Variants in EXOC6B observed in about 807,000 individuals in gnomAD.
The protein encoded by EXOC6B is SEC15 homolog B.
In EXOC6B, 54 loss-of-function variants were observed where a neutral mutation model predicts 113.5. The observed-to-expected ratio is 0.48, with a 90% confidence interval of 0.38 to 0.60. EXOC6B has a LOEUF of 0.60. Ranked by LOEUF, EXOC6B falls within the 20% of genes least tolerant of loss-of-function variation. EXOC6B has a pLI of 0.00. For synonymous variants in EXOC6B, 357 were observed against 339.0 expected, an observed-to-expected ratio of 1.05 and a Z score of -0.58; for missense variants, 797 against 977.5, an observed-to-expected ratio of 0.82 and a Z score of 2.46.
rs1422017618 is a variant in EXOC6B, at chr2:72,702,069, C to G, written c.669+16034G>C. Among the ~76,000 whole-genome samples the G allele has an allele frequency of 2.7e-5, 4 of 150,832 alleles. No homozygotes were observed. In the East Asian group the frequency reaches 5.8e-4, roughly 22 times the overall value. On this transcript the variant is annotated intron_variant, in intron 6 of 21. Transcript: ENST00000272427. ...TATATCTCCCGATGCTAACCCTCCCCCCTCCCACCACCCCACAACAGTCCC... is the reference window on the plus strand; with the variant it reads ...TATATCTCCCGATGCTAACCCTCCCGCCTCCCACCACCCCACAACAGTCCC...
At chr2:72,264,297 G>A (rs576269991) in intron 20 of EXOC6B, among the ~76,000 whole-genome samples, 3 of 152,226 alleles carry the variant, frequency 2.0e-5, no homozygotes, top group African/African-American at 4.8e-5. Context: ...GAGGCCAGGC[G>A]CAGTGGCTCA....
At chr2:72,253,489 A>G (rs1188963454) in intron 20 of EXOC6B, among the ~76,000 whole-genome samples, 1 of 152,240 alleles carries the variant, frequency 6.6e-6, no homozygotes, top group South Asian at 2.1e-4. Flanking sequence ...TGTGGTACAT[A>G]TATGTCATAG....
chr2:72,503,117 C>T (rs1558739039), intron 11 of EXOC6B, among the ~76,000 whole-genome samples: 1 of 152,096 alleles, frequency 6.6e-6, no homozygotes, highest in East Asian at 1.9e-4. Context: ...TTGTTCTTGG[C>T]TTTGGTACTA....
Position 72,521,682 on chromosome 2 carries a change from A to C in EXOC6B, c.916-6556T>G, listed in dbSNP as rs1299217243. Among the ~76,000 whole-genome samples, 15 of 152,252 alleles carry C rather than the reference A, an allele frequency of 9.9e-5. No individual in the cohort carries two copies. The East Asian group carries it at 2.9e-3, about 29-fold the overall frequency. On this transcript the variant is annotated intron_variant, in intron 8 of 21. Transcript: ENST00000272427. Reference sequence around the variant, plus strand: ...TAAGAGTTAAGAAAGACAGACATAGAAGGCAAGCAAGGCTTTGTTTAACTT... The same window carrying C: ...TAAGAGTTAAGAAAGACAGACATAGCAGGCAAGCAAGGCTTTGTTTAACTT...
At chr2:72,654,727 G>C (rs576240902) in intron 6 of EXOC6B, among the ~76,000 whole-genome samples, 2 of 152,222 alleles carry the variant, frequency 1.3e-5, no homozygotes, top group African/African-American at 2.4e-5. Flanking sequence ...GTGCCCAACA[G>C]CTATTATCAC....
In EXOC6B at chr2:72,559,525, C is replaced by T. The variant is rs762938963; in HGVS notation, c.847-4G>A. On this transcript the variant is annotated splice_region_variant and splice_polypyrimidine_tract_variant and intron_variant, in intron 7 of 21. Transcript: ENST00000272427. ...CCAAATCTTGGGCCCCAGGTACCTG[C>T]AAACACAAGATTATAACAAAAAAAT... The T allele has an allele frequency of 1.2e-6, 2 of 1,610,756 alleles. No homozygotes were observed. The highest frequency in any genetic ancestry group is 1.7e-6 in the Non-Finnish European group (2 of 1,178,178).
intron 16 of EXOC6B, among the ~76,000 whole-genome samples, chr2:72,481,163 C>T (rs1214953376): frequency 6.6e-6 from 1 of 152,168 alleles, no homozygotes; most frequent in Non-Finnish European, 1.5e-5. Context: ...TTTGCTTCCC[C>T]TTTGCCTTCC....
chr2:72,521,436 C>T (rs967079460), intron 8 of EXOC6B, among the ~76,000 whole-genome samples: 18 of 152,124 alleles, frequency 1.2e-4, no homozygotes, highest in Admixed American at 1.2e-3. Flanking sequence ...ATCCTATTTT[C>T]AAGCTAGAAG....
intron 18 of EXOC6B, among the ~76,000 whole-genome samples, chr2:72,406,617 G>A (rs911266479): frequency 4.6e-5 from 7 of 152,094 alleles, no homozygotes; most frequent in African/African-American, 1.2e-4. Context: ...GGTACATAAC[G>A]AAATGAAGGC....
At chr2:72,669,766 T>C (rs1675663022) in intron 6 of EXOC6B, among the ~76,000 whole-genome samples, 2 of 152,206 alleles carry the variant, frequency 1.3e-5, no homozygotes, top group Non-Finnish European at 2.9e-5. Context: ...CCAGGCACTA[T>C]TGGCAGCAGG....
intron 18 of EXOC6B, among the ~76,000 whole-genome samples, chr2:72,388,037 T>C (rs1302371546): frequency 6.6e-6 from 1 of 152,134 alleles, no homozygotes; most frequent in Non-Finnish European, 1.5e-5. Context: ...TCTGAAGACA[T>C]GTTTGGTTGT....
At chr2:72,783,338 T>A (rs1163470808) in intron 1 of EXOC6B, among the ~76,000 whole-genome samples, 1 of 142,348 alleles carries the variant, frequency 7.0e-6, no homozygotes, top group African/African-American at 2.6e-5. Flanking sequence ...TTTTTTTTTT[T>A]TTTTGAGATG....
chr2:72,330,669 C>T (rs891175167), intron 20 of EXOC6B, among the ~76,000 whole-genome samples: 1 of 152,022 alleles, frequency 6.6e-6, no homozygotes, highest in African/African-American at 2.4e-5. Flanking sequence ...CAAACTTGCT[C>T]TTCATTTGCA....
At chr2:72,662,470 C>A (rs187186063) in intron 6 of EXOC6B, among the ~76,000 whole-genome samples, 1 of 152,258 alleles carries the variant, frequency 6.6e-6, no homozygotes, top group East Asian at 1.9e-4. Flanking sequence ...AAGTAAGAAA[C>A]AAACAATCCA....
chr2:72,443,277 C>T (rs1163961853), intron 18 of EXOC6B, among the ~76,000 whole-genome samples: 2 of 148,888 alleles, frequency 1.3e-5, no homozygotes, highest in African/African-American at 5.0e-5. Flanking sequence ...GAGCCAAGAT[C>T]GCGCCACTGC....
intron 6 of EXOC6B, among the ~76,000 whole-genome samples, chr2:72,695,229 A>G (rs1452003617): frequency 2.0e-5 from 3 of 152,222 alleles, no homozygotes; most frequent in Non-Finnish European, 2.9e-5. Context: ...CTGAGAGTAC[A>G]CTAGAATTTT....
intron 20 of EXOC6B, among the ~76,000 whole-genome samples, chr2:72,259,451 C>CT (rs1485046338): frequency 1.3e-5 from 2 of 152,146 alleles, no homozygotes; most frequent in Admixed American, 6.6e-5. Flanking sequence ...CTCTTGGGAT[C>CT]TTTCATCTTC....
In EXOC6B at chr2:72,575,553, C is replaced by A; in HGVS notation, c.785G>T (p.Ser262Ile). 3.1e-6 allele frequency: 5 copies of A among 1,611,756 alleles called. No individual in the cohort carries two copies. Among genetic ancestry groups the A allele is most frequent in the Non-Finnish European group, 3.4e-6 (4 of 1,179,110 alleles). ...IIFDTEIESTSPKSEQDSGIL... is the reference protein window; with the variant it reads ...IIFDTEIESTIPKSEQDSGIL... ...TCCTGAATCCTGTTCAGACTTCGGA[C>A]TAGTACTTTCTATCTCTGTATCAAA... Residue 262 changes from serine to isoleucine, a missense_variant, in exon 7 of 22, where the codon AGT (serine) becomes ATT (isoleucine). Transcript: ENST00000272427.
chr2:72,567,581 C>T (rs947937420), intron 7 of EXOC6B, among the ~76,000 whole-genome samples: 1 of 151,864 alleles, frequency 6.6e-6, no homozygotes, highest in Admixed American at 6.6e-5. Context: ...ATACCTAATG[C>T]CCATGTTAGT....
Sources: gnomAD v4.1 joint callset for allele counts (sites outside exome capture counted in the v4.1 genomes callset) on GRCh38, gnomAD v4.1.1 for gene constraint, MANE v1.5 for transcripts, NCBI Gene and HGNC (gene_info 2026-07-23, HGNC 2026-07-21) for gene names.